SMOC1: variants seen among roughly 807,000 people sequenced by gnomAD.
SMOC1 encodes the protein SPARC-related modular calcium-binding protein 1.
In SMOC1, 22 loss-of-function variants were observed where a neutral mutation model predicts 56.3. The ratio of observed to expected loss-of-function variants is 0.39; its 90% CI spans 0.28 to 0.56. The LOEUF is 0.56. Among genes scored for constraint, SMOC1 ranks in the 20% least tolerant of loss-of-function variants. SMOC1 has a pLI of 0.61. For synonymous variants in SMOC1, 193 were observed against 215.0 expected (o/e 0.90, Z 0.89); for missense variants, 509 against 565.4 (o/e 0.90, Z 1.01).
At chr14:69,949,726 C>T (rs1454140618) in intron 1 of SMOC1, among the ~76,000 whole-genome samples, 2 of 152,132 alleles carry the variant, frequency 1.3e-5, no homozygotes, top group Non-Finnish European at 2.9e-5. Flanking sequence ...GGGAAGCAGG[C>T]CCGTGTGCCC....
rs1566709735 is a variant in SMOC1 at position 70,010,780 on chromosome 14, A to G, written c.691A>G (p.Arg231Gly). The change falls in exon 8 of 12, where the codon AGG becomes GGG. Residue 231 changes from arginine (R) to glycine (G), a missense_variant. By Grantham distance (125) the Arg-to-Gly change is moderately radical. Coordinates refer to ENST00000361956, the MANE Select transcript of SMOC1 (RefSeq NM_001034852.3). ...GAAAGTCTATTCGTGTGACCAGGAG[A>G]GGCAGAGTGCCCTGGAAGAGGCCCA... ...SEKVYSCDQE[R>G]QSALEEAQQN... 1.2e-6 allele frequency: 2 copies of G among 1,614,156 alleles called. No homozygotes were observed.
chr14:69,988,885 A>T lies in SMOC1; in HGVS notation c.527-3532A>T, dbSNP rs185917763. On this transcript the variant is annotated intron_variant, in intron 5 of 11. Coordinates refer to ENST00000361956, the MANE Select transcript of SMOC1 (RefSeq NM_001034852.3). The stretch of plus-strand genomic sequence containing the variant: ...ACATTGTCACATGTATTAGTAATTC[A>T]TTCCTTTTAATTGCTGAATAGTATG... Among the ~76,000 whole-genome samples, 3 of 152,358 alleles carry T rather than the reference A, an allele frequency of 2.0e-5. No individual in the cohort carries two copies. In the East Asian group the frequency reaches 5.8e-4, roughly 29 times the overall value.
chr14:70,003,470 T>C (rs993252494), intron 7 of SMOC1, among the ~76,000 whole-genome samples: 34 of 152,190 alleles, frequency 2.2e-4, no homozygotes, highest in African/African-American at 7.2e-4. Flanking sequence ...CCCTACGGTT[T>C]ATTCAACAGT....
intron 1 of SMOC1, among the ~76,000 whole-genome samples, chr14:69,898,019 C>T (rs964703923): frequency 1.3e-5 from 2 of 152,148 alleles, no homozygotes; most frequent in African/African-American, 4.8e-5. Context: ...GTCTGTTTCT[C>T]TATCACTTTT....
At position 69,911,074 on chromosome 14, in the gene SMOC1, T is replaced by C. The variant is rs139001838; in HGVS notation, c.99+31297T>C. ...AGCAGGGAGTCATCATGGAACTTGT[T>C]GCTAATGTTTATGCAGTGGCCTGTA... On this transcript the variant is annotated intron_variant, in intron 1 of 11. Coordinates refer to ENST00000361956, the MANE Select transcript of SMOC1 (RefSeq NM_001034852.3). 3.2e-4 allele frequency among the ~76,000 whole-genome samples: 48 copies of C among 152,340 alleles called. No homozygotes were observed. In the East Asian group the frequency reaches 9.1e-3, roughly 29 times the overall value.
intron 10 of SMOC1, among the ~76,000 whole-genome samples, chr14:70,021,057 C>T (rs1885704595): frequency 6.6e-6 from 1 of 152,160 alleles, no homozygotes. Context: ...TCTAGGTAGA[C>T]ATTACGCTAT....
rs74950893 is a variant in SMOC1 at position 69,896,173 on chromosome 14, C to T, written c.99+16396C>T. Among the ~76,000 whole-genome samples, 886 of 152,218 alleles carry T rather than the reference C, an allele frequency of 5.8e-3. 10 individuals are homozygous for T. The highest frequency in any genetic ancestry group is 0.02 in the African/African-American group (828 of 41,522). Reference sequence around the variant, plus strand: ...GTGTGTACCTTTCTTTTCTTAAAGCCGCATCTACTTTGTGAATGAAATTCA... The same window carrying T: ...GTGTGTACCTTTCTTTTCTTAAAGCTGCATCTACTTTGTGAATGAAATTCA... On this transcript the variant is annotated intron_variant, in intron 1 of 11. Transcript: ENST00000361956.
intron 5 of SMOC1, among the ~76,000 whole-genome samples, chr14:69,984,004 G>A (rs61977393): frequency 0.058 from 8,832 of 152,332 alleles, 342 homozygotes; most frequent in Non-Finnish European, 0.086. Context: ...AAAGGCAATG[G>A]AACTAGAATA....
At chr14:69,890,797 A>T (rs1380896276) in intron 1 of SMOC1, among the ~76,000 whole-genome samples, 3 of 152,238 alleles carry the variant, frequency 2.0e-5, no homozygotes, top group African/African-American at 7.2e-5. Flanking sequence ...TGGTGGGAAT[A>T]TAAATTAGTA....
chr14:69,955,738 G>T (rs1464560012), intron 3 of SMOC1, among the ~76,000 whole-genome samples: 4 of 152,100 alleles, frequency 2.6e-5, no homozygotes, highest in Admixed American at 6.5e-5. Flanking sequence ...GTTGGAAAAT[G>T]GATGAACTCT....
intron 7 of SMOC1, among the ~76,000 whole-genome samples, chr14:70,001,468 T>G (rs1884967158): frequency 1.3e-5 from 2 of 152,184 alleles, no homozygotes; most frequent in South Asian, 4.1e-4. Context: ...TTGTTTTGAA[T>G]TGCTGGCATA....
At chr14:69,975,897 T>C in intron 4 of SMOC1, 83 bp downstream of exon 4, 1 of 964,042 alleles carries the variant, frequency 1.0e-6, no homozygotes, top group Non-Finnish European at 1.6e-6. Context: ...GGGAGAACCT[T>C]TAGAAGGTTG....
At chr14:69,998,114 C>T (rs1884837627) in intron 7 of SMOC1, among the ~76,000 whole-genome samples, 1 of 152,160 alleles carries the variant, frequency 6.6e-6, no homozygotes, top group African/African-American at 2.4e-5. Context: ...TCCTAGTCTC[C>T]CTCTCTGCTC....
intron 1 of SMOC1, among the ~76,000 whole-genome samples, chr14:69,919,103 G>A (rs552406910): frequency 6.6e-6 from 1 of 152,292 alleles, no homozygotes; most frequent in Admixed American, 6.5e-5. Flanking sequence ...TCTGACTTAG[G>A]GTTACTTTTT....
At chr14:69,903,407 C>A (rs1435149927) in intron 1 of SMOC1, among the ~76,000 whole-genome samples, 1 of 152,238 alleles carries the variant, frequency 6.6e-6, no homozygotes, top group Non-Finnish European at 1.5e-5. Flanking sequence ...GGAGGTGTAC[C>A]CAACAGCTCA....
chr14:69,998,428 GT>G (rs36077349), intron 7 of SMOC1, among the ~76,000 whole-genome samples: 99 of 146,500 alleles, frequency 6.8e-4, no homozygotes, highest in Non-Finnish European at 6.6e-4. Flanking sequence ...CTCTTGCTAA[GT>G]TTTTTTTTTT....
chr14:69,912,139 CAT>C (rs1884570325), intron 1 of SMOC1, among the ~76,000 whole-genome samples: 1 of 152,172 alleles, frequency 6.6e-6, no homozygotes, highest in African/African-American at 2.4e-5. Context: ...CAAATGAAGT[CAT>C]GTGTATAGTC....
intron 1 of SMOC1, among the ~76,000 whole-genome samples, chr14:69,925,482 T>C (rs1594805408): frequency 1.3e-5 from 2 of 152,182 alleles, no homozygotes; most frequent in South Asian, 4.1e-4. Flanking sequence ...CAGGATCCAG[T>C]CCCTTGCTGT....
chr14:69,999,598 G>A (rs1693427258), intron 7 of SMOC1, among the ~76,000 whole-genome samples: 1 of 152,146 alleles, frequency 6.6e-6, no homozygotes, highest in African/African-American at 2.4e-5. Context: ...TGGCCTTCTG[G>A]ATGTCTGCCC....
Sources: gnomAD v4.1 joint callset for allele counts (sites outside exome capture counted in the v4.1 genomes callset) on GRCh38, gnomAD v4.1.1 for gene constraint, MANE v1.5 for transcripts, NCBI Gene and HGNC (gene_info 2026-07-23, HGNC 2026-07-21) for gene names.